RUBCN: variants seen among roughly 807,000 people sequenced by gnomAD.
The protein encoded by RUBCN is rubicon autophagy regulator, also known as run domain Beclin-1-interacting and cysteine-rich domain-containing protein.
Under a neutral mutation model 113.2 loss-of-function variants are expected in RUBCN, and 74 were observed. That is an observed-to-expected ratio of 0.65 (90% CI 0.54 to 0.79). The LOEUF is 0.79. RUBCN is among the 30% of genes least tolerant of loss of function. The probability of loss-of-function intolerance (pLI) is 0.00; values close to 1 mark genes in which losing one functional copy is unlikely to be tolerated. For missense variants in RUBCN, 1,109 were observed against 1,251.7 expected, an observed-to-expected ratio of 0.89 and a Z score of 1.72; for synonymous variants, 480 against 490.0, an observed-to-expected ratio of 0.98 and a Z score of 0.27.
In RUBCN at chr3:197,674,689, G is replaced by C; in HGVS notation, c.*329C>G. The C allele has an allele frequency of 2.3e-6, 1 of 430,842 alleles. No homozygotes were observed. The highest frequency in any genetic ancestry group is 2.4e-5 in the South Asian group (1 of 41,416). The allele number at this position is 430,842 out of a possible 1,614,324, so 26.7% of individuals were successfully genotyped here. A position where few individuals can be genotyped will look rare whatever the true frequency, so the allele number is the denominator to read the frequency against. On this transcript the variant is annotated 3_prime_UTR_variant, in exon 20 of 20. Transcript: ENST00000296343. Reference sequence around the variant, plus strand: ...TGACATGCAGGTGAAACCTAGAGGAGAAGGCCACAGACGCTGGAAGAACTT... The same window carrying C: ...TGACATGCAGGTGAAACCTAGAGGACAAGGCCACAGACGCTGGAAGAACTT...
upstream of RUBCN, chr3:197,736,989 G>C: frequency 1.3e-5 from 16 of 1,213,840 alleles, no homozygotes; most frequent in African/African-American, 1.6e-5. Context: ...TCCAATCCCA[G>C]GCCGCGCTCG....
At chr3:197,704,738 C>T (rs758822365) in intron 3 of RUBCN, 37 bp from the exon 4 acceptor site, 3 of 1,608,184 alleles carry the variant, frequency 1.9e-6, no homozygotes, top group Non-Finnish European at 2.6e-6. Flanking sequence ...AACACACATC[C>T]TGGTAGATAC....
At chr3:197,682,015 T>G in intron 14 of RUBCN, 116 bp from the exon 15 acceptor site, 5 of 793,796 alleles carry the variant, frequency 6.3e-6, no homozygotes, top group East Asian at 2.6e-5. Context: ...GAGAGGGGAA[T>G]TCACCTACAT....
chr3:197,703,565 G>GGT lies in RUBCN; in HGVS notation c.552_553insAC (p.Gln185ThrfsTer18). ...CCCTGTACCATGGACGCATCGATCTGAGCCAGGAGGCGGGGGTTGTTCTGT... is the reference window on the plus strand; with the variant it reads ...CCCTGTACCATGGACGCATCGATCTGGTAGCCAGGAGGCGGGGGTTGTTCTGT... On this transcript the variant is annotated frameshift_variant, in exon 5 of 20. Transcript: ENST00000296343. LOFTEE classifies it high-confidence loss of function. 2 of 1,612,796 alleles carry GGT rather than the reference G, an allele frequency of 1.2e-6. No homozygotes were observed. Among genetic ancestry groups the GGT allele is most frequent in the Non-Finnish European group, 1.7e-6 (2 of 1,178,848 alleles).
At position 197,683,194 on chromosome 3, in the gene RUBCN, G is replaced by C; in HGVS notation, c.1980+113C>G. Reference sequence around the variant, plus strand: ...ACACATTGTAATGAATGGCTTCCACGAGTAAGGGGGGAACACCCAGGCTCA... The same window carrying C: ...ACACATTGTAATGAATGGCTTCCACCAGTAAGGGGGGAACACCCAGGCTCA... On this transcript the variant is annotated intron_variant, in intron 13 of 19. Transcript: ENST00000296343. The surrounding 1 kb of genome is among the most constrained non-coding windows in gnomAD (Gnocchi z 4.6). 1 of 1,299,012 alleles carries C rather than the reference G, an allele frequency of 7.7e-7. No homozygotes were observed. The highest frequency in any genetic ancestry group is 1.1e-6 in the Non-Finnish European group (1 of 893,934). 80.5% of individuals were successfully genotyped at this position (1,299,012 alleles called of 1,614,324 possible). A position where few individuals can be genotyped will look rare whatever the true frequency, so the allele number is the denominator to read the frequency against.
At chr3:197,678,641 C>T (rs1383001635) in intron 16 of RUBCN, among the ~76,000 whole-genome samples, 1 of 150,334 alleles carries the variant, frequency 6.7e-6, no homozygotes, top group African/African-American at 2.5e-5. Flanking sequence ...CTGTCCTACG[C>T]TCTAACTGAC....
At chr3:197,721,956 T>G (rs113335794) in intron 1 of RUBCN, among the ~76,000 whole-genome samples, 15,777 of 152,102 alleles carry the variant, frequency 0.1, 981 homozygotes, top group Middle Eastern at 0.15. Flanking sequence ...GATACTTGAA[T>G]GGCCGGGTGC....
At chr3:197,706,807 C>CT (rs2108924037) in intron 2 of RUBCN, among the ~76,000 whole-genome samples, 1 of 152,332 alleles carries the variant, frequency 6.6e-6, no homozygotes, top group African/African-American at 2.4e-5. Flanking sequence ...GTCAGAGGTG[C>CT]TTCTTTGTAA....
intron 1 of RUBCN, among the ~76,000 whole-genome samples, chr3:197,731,986 G>A (rs2109002534): frequency 6.6e-6 from 1 of 152,372 alleles, no homozygotes; most frequent in Non-Finnish European, 1.5e-5. Flanking sequence ...ATGGGAAATA[G>A]AGAAGAGCGA....
intron 11 of RUBCN, among the ~76,000 whole-genome samples, chr3:197,688,029 C>T (rs948326606): frequency 1.3e-5 from 2 of 152,078 alleles, no homozygotes; most frequent in Non-Finnish European, 2.9e-5. Flanking sequence ...CTCCTGTGCA[C>T]CCCCTTTTTC....
At chr3:197,719,334 C>T (rs1725881835) in intron 1 of RUBCN, among the ~76,000 whole-genome samples, 1 of 151,890 alleles carries the variant, frequency 6.6e-6, no homozygotes, top group African/African-American at 2.4e-5. Flanking sequence ...AAAAATTAGC[C>T]AGGCGTGGTG....
upstream of RUBCN, among the ~76,000 whole-genome samples, chr3:197,740,238 G>T (rs903919003): frequency 2.0e-5 from 3 of 149,916 alleles, no homozygotes; most frequent in Admixed American, 2.0e-4. Context: ...CCCTTCTTTT[G>T]TTTTTTTTTC....
Position 197,675,349 on chromosome 3 carries a change from A to C in RUBCN, c.2740+73T>G. ...GCTGAGTGGCACCGAACTCTTGCTA[A>C]CAGGGGTGGCTCTGGGGAATCAAGG... On this transcript the variant is annotated intron_variant, in intron 19 of 19. Coordinates refer to ENST00000296343, the MANE Select transcript of RUBCN (RefSeq NM_014687.4). This position sits in a 1 kb window ranked among gnomAD's most constrained non-coding sequence, Gnocchi z 4.4. 3 of 1,520,498 alleles carry C rather than the reference A, an allele frequency of 2.0e-6. No individual in the cohort carries two copies. The highest frequency in any genetic ancestry group is 2.7e-6 in the Non-Finnish European group (3 of 1,097,126). The allele number at this position is 1,520,498 out of a possible 1,614,324, so 94.2% of individuals were successfully genotyped here.
chr3:197,749,615 C>T (rs2109029992), exon 1 of RUBCN: 10 of 1,079,464 alleles, frequency 9.3e-6, no homozygotes, highest in Non-Finnish European at 1.3e-5. Flanking sequence ...TCGAAGGACA[C>T]GGAGGATTAT....
At chr3:197,704,041 G>A (rs759708181) in intron 4 of RUBCN, among the ~76,000 whole-genome samples, 54 of 152,208 alleles carry the variant, frequency 3.5e-4, no homozygotes, top group Non-Finnish European at 6.8e-4. Context: ...GTGGCCGTAG[G>A]GGACGACCTT....
intron 1 of RUBCN, among the ~76,000 whole-genome samples, chr3:197,728,806 G>T (rs1727053051): frequency 6.6e-6 from 1 of 152,216 alleles, no homozygotes; most frequent in South Asian, 2.1e-4. Flanking sequence ...ACAGAGAGGG[G>T]TGCCTTCTAA....
intron 1 of RUBCN, among the ~76,000 whole-genome samples, chr3:197,744,325 G>A (rs1013124755): frequency 1.3e-5 from 2 of 152,040 alleles, no homozygotes; most frequent in African/African-American, 2.4e-5. Context: ...GCAATATTTG[G>A]AACATCAACA....
At chr3:197,742,039 G>A (rs1728545428) in intron 1 of RUBCN, among the ~76,000 whole-genome samples, 1 of 151,510 alleles carries the variant, frequency 6.6e-6, no homozygotes, top group Non-Finnish European at 1.5e-5. Flanking sequence ...CTAAAATTAC[G>A]GGCGCCCGCT....
At chr3:197,690,316 T>C (rs1407685665) in intron 11 of RUBCN, among the ~76,000 whole-genome samples, 1 of 152,152 alleles carries the variant, frequency 6.6e-6, no homozygotes, top group African/African-American at 2.4e-5. Context: ...CAGCTGCCTG[T>C]AGTCCCAGCT....
Sources: gnomAD v4.1 joint callset for allele counts (sites outside exome capture counted in the v4.1 genomes callset) on GRCh38, gnomAD v4.1.1 for gene constraint, Gnocchi (gnomAD v3.1) non-coding constraint, MANE v1.5 for transcripts, NCBI Gene and HGNC (gene_info 2026-07-23, HGNC 2026-07-21) for gene names.